The following TRIQK variants were observed in gnomAD, a reference collection of about 807,000 sequenced individuals.
The protein encoded by TRIQK is triple QxxK/R motif-containing protein.
A neutral mutation model predicts 10.8 loss-of-function variants in TRIQK; 10 were observed. That is an observed-to-expected ratio of 0.92 (90% CI 0.57 to 1.57). TRIQK has a LOEUF of 1.57. Ranked by LOEUF, TRIQK falls within the 40% of genes most tolerant of loss-of-function variation. The pLI is 0.00. For missense variants in TRIQK, 107 were observed against 97.7 expected (o/e 1.09, Z -0.40); for synonymous variants, 33 against 33.7 (o/e 0.98, Z 0.07).
chr8:92,963,451 G>A (rs1465078340), intron 1 of TRIQK: 4 of 150,040 alleles, frequency 2.7e-5, no homozygotes, highest in African/African-American at 7.4e-5. Context: ...TGTTATAAAA[G>A]ATTATTCACT....
intron 1 of TRIQK, among the ~76,000 whole-genome samples, chr8:92,991,999 A>G (rs912935966): frequency 6.6e-6 from 1 of 152,176 alleles, no homozygotes; most frequent in Non-Finnish European, 1.5e-5. Flanking sequence ...TCAACGAAAT[A>G]AAAGAGGACA....
intron 3 of TRIQK, among the ~76,000 whole-genome samples, chr8:92,903,540 T>C (rs1586390489): frequency 6.6e-6 from 1 of 152,126 alleles, no homozygotes; most frequent in Non-Finnish European, 1.5e-5. Context: ...ATTATTATAC[T>C]CTGGTTGCTG....
intron 2 of TRIQK, among the ~76,000 whole-genome samples, chr8:92,934,473 A>C (rs552791288): frequency 6.6e-6 from 1 of 152,090 alleles, no homozygotes; most frequent in East Asian, 1.9e-4. Context: ...TAAGTATATA[A>C]GAGGAAACAA....
chr8:92,893,770 T>G (rs890738022), intron 3 of TRIQK, among the ~76,000 whole-genome samples: 1 of 151,890 alleles, frequency 6.6e-6, no homozygotes, highest in African/African-American at 2.4e-5. Flanking sequence ...TGAAAGATAT[T>G]TGAAGATTGT....
chr8:92,973,459 C>T (rs948211358), intron 1 of TRIQK: 10 of 152,148 alleles, frequency 6.6e-5, no homozygotes, highest in Admixed American at 2.0e-4. Context: ...AGCAATAAAA[C>T]GTTTTCTGTC....
At chr8:92,961,308 C>T (rs1237616594) in intron 1 of TRIQK, among the ~76,000 whole-genome samples, 1 of 151,754 alleles carries the variant, frequency 6.6e-6, no homozygotes, top group South Asian at 2.1e-4. Context: ...AATGAACTCC[C>T]TAGGAATGCA....
intron 2 of TRIQK, among the ~76,000 whole-genome samples, chr8:92,937,965 C>T (rs1361655458): frequency 2.0e-5 from 3 of 151,850 alleles, no homozygotes; most frequent in Non-Finnish European, 4.4e-5. Context: ...ATTTCCAATA[C>T]TCTTTGTTCC....
intron 1 of TRIQK, among the ~76,000 whole-genome samples, chr8:93,008,358 T>A (rs1391648849): frequency 1.3e-5 from 2 of 152,176 alleles, no homozygotes; most frequent in Admixed American, 6.5e-5. Context: ...AAGTATCCAG[T>A]AGTCTTCGAT....
At chr8:92,987,071 T>G (rs970461311) in intron 1 of TRIQK, among the ~76,000 whole-genome samples, 8 of 152,194 alleles carry the variant, frequency 5.3e-5, no homozygotes, top group Admixed American at 2.6e-4. Flanking sequence ...TAAATTGTCT[T>G]TCAGAATTTT....
intron 3 of TRIQK, among the ~76,000 whole-genome samples, chr8:92,895,965 C>G (rs537562941): frequency 5.3e-4 from 81 of 152,124 alleles, no homozygotes; most frequent in South Asian, 4.0e-3. Flanking sequence ...AAGGTGTGAC[C>G]AAGCAACCCT....
In TRIQK at chr8:92,886,631, A is replaced by G; in HGVS notation, c.252T>C (p.Asp84=). 10 of 1,515,958 alleles carry G rather than the reference A, an allele frequency of 6.6e-6. No individual in the cohort carries two copies. Among genetic ancestry groups the G allele is most frequent in the Non-Finnish European group, 8.8e-6 (10 of 1,135,750 alleles). The allele number at this position is 1,515,958 out of a possible 1,614,324, so 93.9% of individuals were successfully genotyped here. Residue 84 remains aspartate (D), a synonymous_variant, in exon 5 of 5, where the codon GAT becomes GAC. Transcript: ENST00000521988. ...ATTGATTGTTGCTTAGCTAATCTTC[A>G]TCTTGGTCCAGATCAGGGTCAACAT... ...TTDVDPDLDQ[D]ED
chr8:92,964,747 T>C (rs960553034), intron 1 of TRIQK: 1 of 152,148 alleles, frequency 6.6e-6, no homozygotes. Flanking sequence ...GTGTGGATCA[T>C]TACTTTAATG....
chr8:92,920,025 T>A (rs1008892133), intron 2 of TRIQK, among the ~76,000 whole-genome samples: 3 of 151,840 alleles, frequency 2.0e-5, no homozygotes, highest in East Asian at 1.9e-4. Context: ...CTCCTTTTTT[T>A]CCTTGGGCAA....
chr8:92,979,608 A>G (rs1311943257), intron 1 of TRIQK, among the ~76,000 whole-genome samples: 1 of 151,956 alleles, frequency 6.6e-6, no homozygotes, highest in East Asian at 1.9e-4. Flanking sequence ...TCTTGAACTT[A>G]CTTTTTTTAA....
At chr8:92,987,968 C>T (rs1320522526) in intron 1 of TRIQK, among the ~76,000 whole-genome samples, 2 of 144,686 alleles carry the variant, frequency 1.4e-5, no homozygotes, top group Non-Finnish European at 3.0e-5. Context: ...ACATAATCGT[C>T]GTTTTTAGTT....
intron 3 of TRIQK, among the ~76,000 whole-genome samples, chr8:92,893,811 T>C (rs1202271555): frequency 7.0e-6 from 1 of 142,416 alleles, no homozygotes; most frequent in South Asian, 2.5e-4. Flanking sequence ...TCTTGTTTTA[T>C]CCTGTATATG....
intron 1 of TRIQK, among the ~76,000 whole-genome samples, chr8:92,977,251 T>C (rs1431021934): frequency 6.6e-6 from 1 of 152,068 alleles, no homozygotes; most frequent in Admixed American, 6.6e-5. Context: ...TTTTGCTGGG[T>C]ATATAATTCT....
At position 92,916,971 on chromosome 8, in the gene TRIQK, C is replaced by G. The variant is rs867381697; in HGVS notation, c.19G>C (p.Ala7Pro). The G allele has an allele frequency of 7.9e-6, 12 of 1,509,896 alleles. No homozygotes were observed. The highest frequency in any genetic ancestry group is 3.4e-4 in the Middle Eastern group (2 of 5,916). 93.5% of individuals were successfully genotyped at this position (1,509,896 alleles called of 1,614,324 possible). Residue 7 changes from alanine (A) to proline (P), a missense_variant, in exon 3 of 5, where the codon GCT becomes CCT. Physicochemically the swap from Ala to Pro is conservative, Grantham distance 27 (BLOSUM62 -1). Coordinates refer to ENST00000521988, the MANE Select transcript of TRIQK (RefSeq NM_001171797.2). ...TGATCAACAGGAAGTTTTATAGTAG[C>G]AGCATCTTTTCTACCCATCTTTGAT... is the stretch of plus-strand genomic sequence containing the variant. MGRKDAATIKLPVDQYR... is the reference protein window; with the variant it reads MGRKDAPTIKLPVDQYR...
chr8:92,989,031 A>G (rs978285677), intron 1 of TRIQK, among the ~76,000 whole-genome samples: 1 of 152,220 alleles, frequency 6.6e-6, no homozygotes, highest in Admixed American at 6.5e-5. Context: ...TACAGATGCA[A>G]GAATACATGG....
Sources: gnomAD v4.1 joint callset for allele counts (sites outside exome capture counted in the v4.1 genomes callset) on GRCh38, gnomAD v4.1.1 for gene constraint, MANE v1.5 for transcripts, NCBI Gene and HGNC (gene_info 2026-07-23, HGNC 2026-07-21) for gene names.